ABHD17C: variants seen among roughly 807,000 people sequenced by gnomAD.
ABHD17C encodes alpha/beta hydrolase domain-containing protein 17C.
Under a neutral mutation model 27.9 loss-of-function variants are expected in ABHD17C, and 11 were observed. That is an observed-to-expected ratio of 0.39 (90% CI 0.25 to 0.65). The LOEUF (loss-of-function observed/expected upper bound fraction) is 0.65. Among genes scored for constraint, ABHD17C ranks in the 30% least tolerant of loss-of-function variants. The probability of loss-of-function intolerance (pLI) is 0.45; values close to 1 mark genes in which losing one functional copy is unlikely to be tolerated. For missense variants in ABHD17C, 280 were observed against 470.2 expected, an observed-to-expected ratio of 0.60 and a Z score of 3.74; for synonymous variants, 233 against 209.1, an observed-to-expected ratio of 1.11 and a Z score of -0.98.
At chr15:80,717,604 T>C (rs1157526361) in intron 1 of ABHD17C, among the ~76,000 whole-genome samples, 4 of 152,144 alleles carry the variant, frequency 2.6e-5, no homozygotes, top group Non-Finnish European at 5.9e-5. Flanking sequence ...CAGGCTGGTC[T>C]TGAACTCCTG....
At chr15:80,713,900 CCACACACACACACACACA>C (rs58311304) in intron 1 of ABHD17C, among the ~76,000 whole-genome samples, 3 of 141,048 alleles carry the variant, frequency 2.1e-5, no homozygotes, top group Non-Finnish European at 3.1e-5. Context: ...CATATACAGA[CCACACACACACACACACA>C]CACACACACA....
chr15:80,738,400 C>T (rs1372857677), intron 1 of ABHD17C, among the ~76,000 whole-genome samples: 2 of 152,110 alleles, frequency 1.3e-5, no homozygotes, highest in Non-Finnish European at 2.9e-5. Context: ...GTAAGGTTTC[C>T]AGAAAGACTC....
At chr15:80,744,003 T>G (rs1209490899) in intron 1 of ABHD17C, among the ~76,000 whole-genome samples, 1 of 152,252 alleles carries the variant, frequency 6.6e-6, no homozygotes, top group African/African-American at 2.4e-5. Flanking sequence ...CTGTTAATGT[T>G]TTTTGAGAAA....
At chr15:80,747,515 G>A (rs1280552770) in intron 1 of ABHD17C, among the ~76,000 whole-genome samples, 1 of 152,144 alleles carries the variant, frequency 6.6e-6, no homozygotes, top group African/African-American at 2.4e-5. Context: ...TTTAGTCCTC[G>A]TGGAGGGTGC....
rs368120404 is a variant in ABHD17C at position 80,708,171 on chromosome 15, T to C, written c.590+12152T>C. On this transcript the variant is annotated intron_variant, in intron 1 of 2. Transcript: ENST00000258884. ...GAATATCTGGTCAGCCACACGTTTCTATTACTATTTCCTCTGTTTTCCATC... is the reference window on the plus strand; with the variant it reads ...GAATATCTGGTCAGCCACACGTTTCCATTACTATTTCCTCTGTTTTCCATC... Among the ~76,000 whole-genome samples the C allele has an allele frequency of 3.3e-5, 5 of 152,210 alleles. No homozygotes were observed. In the East Asian group the frequency reaches 7.7e-4, roughly 23 times the overall value.
intron 1 of ABHD17C, among the ~76,000 whole-genome samples, chr15:80,702,185 T>A (rs1894582562): frequency 6.6e-6 from 1 of 152,142 alleles, no homozygotes; most frequent in South Asian, 2.1e-4. Flanking sequence ...GGCTCAGTCT[T>A]CTCTAAAATT....
intron 1 of ABHD17C, among the ~76,000 whole-genome samples, chr15:80,696,734 G>A (rs1894500573): frequency 6.6e-6 from 1 of 152,216 alleles, no homozygotes; most frequent in Admixed American, 6.5e-5. Context: ...GGACTGAAAA[G>A]TGTTTAGGGT....
chr15:80,732,442 C>G (rs1219057850), intron 1 of ABHD17C, among the ~76,000 whole-genome samples: 8 of 152,192 alleles, frequency 5.3e-5, no homozygotes, highest in Admixed American at 3.3e-4. Flanking sequence ...TCTCTCAGAG[C>G]TTTAGTTTCC....
At chr15:80,714,738 G>A (rs990150754) in intron 1 of ABHD17C, among the ~76,000 whole-genome samples, 5 of 152,074 alleles carry the variant, frequency 3.3e-5, no homozygotes. Flanking sequence ...CGCACAAATC[G>A]GGAGCACCTG....
At chr15:80,708,446 G>C (rs1032981657) in intron 1 of ABHD17C, among the ~76,000 whole-genome samples, 1 of 152,158 alleles carries the variant, frequency 6.6e-6, no homozygotes, top group Non-Finnish European at 1.5e-5. Context: ...CTCCCAAATA[G>C]CTGGGATCAC....
At chr15:80,724,555 A>C (rs1256494504) in intron 1 of ABHD17C, among the ~76,000 whole-genome samples, 1 of 60,658 alleles carries the variant, frequency 1.6e-5, no homozygotes, top group Non-Finnish European at 3.4e-5. Flanking sequence ...TAAAAGGGAT[A>C]AATTCTCATA....
intron 1 of ABHD17C, among the ~76,000 whole-genome samples, chr15:80,706,044 T>C (rs1405768410): frequency 6.6e-6 from 1 of 152,206 alleles, no homozygotes; most frequent in African/African-American, 2.4e-5. Flanking sequence ...AAAGCCTGTA[T>C]TGTGTGCACC....
At chr15:80,699,195 T>C (rs184644524) in intron 1 of ABHD17C, among the ~76,000 whole-genome samples, 20 of 152,310 alleles carry the variant, frequency 1.3e-4, no homozygotes, top group Middle Eastern at 3.4e-3. Flanking sequence ...CTCCACTAAA[T>C]TGGAAGATCT....
At chr15:80,710,837 T>G (rs1050474227) in intron 1 of ABHD17C, among the ~76,000 whole-genome samples, 6 of 151,992 alleles carry the variant, frequency 3.9e-5, no homozygotes, top group African/African-American at 1.4e-4. Flanking sequence ...TCTGCCTCCC[T>G]AAGTGCTGGG....
chr15:80,704,176 T>C (rs1256226651), intron 1 of ABHD17C, among the ~76,000 whole-genome samples: 8 of 152,090 alleles, frequency 5.3e-5, no homozygotes. Context: ...GGGGTAGTGG[T>C]TGAAAAGAAA....
chr15:80,738,086 GAGA>G (rs1411394122), intron 1 of ABHD17C, among the ~76,000 whole-genome samples: 1 of 152,086 alleles, frequency 6.6e-6, no homozygotes, highest in African/African-American at 2.4e-5. Flanking sequence ...TGGGAGAGAA[GAGA>G]AGAAGTCAGC....
intron 1 of ABHD17C, among the ~76,000 whole-genome samples, chr15:80,748,298 G>A (rs1023035321): frequency 3.9e-5 from 6 of 152,182 alleles, no homozygotes; most frequent in East Asian, 1.9e-4. Flanking sequence ...GCTGCAATAC[G>A]TATTTATTCC....
intron 1 of ABHD17C, among the ~76,000 whole-genome samples, chr15:80,701,203 T>C (rs1247661293): frequency 1.3e-5 from 2 of 152,164 alleles, no homozygotes; most frequent in African/African-American, 2.4e-5. Flanking sequence ...TGGTTGTGAA[T>C]GGTGTTCACA....
intron 1 of ABHD17C, among the ~76,000 whole-genome samples, chr15:80,723,672 T>C (rs1228092981): frequency 6.6e-6 from 1 of 152,234 alleles, no homozygotes; most frequent in Admixed American, 6.5e-5. Flanking sequence ...TGCGTTGTTA[T>C]AAACACATTG....
Sources: gnomAD v4.1 joint callset for allele counts (sites outside exome capture counted in the v4.1 genomes callset) on GRCh38, gnomAD v4.1.1 for gene constraint, MANE v1.5 for transcripts, NCBI Gene and HGNC (gene_info 2026-07-23, HGNC 2026-07-21) for gene names.